MBP: variants seen among roughly 807,000 people sequenced by gnomAD.
MBP encodes the protein myelin basic protein.
A neutral mutation model predicts 35.8 loss-of-function variants in MBP; 16 were observed. That is an observed-to-expected ratio of 0.45 (90% CI 0.30 to 0.68). The LOEUF (loss-of-function observed/expected upper bound fraction) is 0.68. Ranked by LOEUF, MBP falls within the 30% of genes least tolerant of loss-of-function variation. The pLI is 0.08. For synonymous variants in MBP, 143 were observed against 159.6 expected (o/e 0.90, Z 0.78); for missense variants, 380 against 404.7 (o/e 0.94, Z 0.52).
chr18:76,985,301 G>A lies in MBP; in HGVS notation c.751-407C>T, dbSNP rs1484132132. ...CACGGGTTTGGAGGACTCGGACCCTGGGGGGCTGTGCGCTGTGTAGGTGCC... is the reference window on the plus strand; with the variant it reads ...CACGGGTTTGGAGGACTCGGACCCTAGGGGGCTGTGCGCTGTGTAGGTGCC... On this transcript the variant is annotated intron_variant, in intron 7 of 8. Coordinates refer to ENST00000355994, the MANE Select transcript of MBP (RefSeq NM_001025101.2). 1.0e-5 allele frequency: 13 copies of A among 1,300,898 alleles called. No individual in the cohort carries two copies. The East Asian group carries it at 6.9e-4, about 69-fold the overall frequency. The allele number at this position is 1,300,898 out of a possible 1,614,324, so 80.6% of individuals were successfully genotyped here.
intron 3 of MBP, among the ~76,000 whole-genome samples, chr18:77,047,287 T>C (rs470480): frequency 0.023 from 3,575 of 152,296 alleles, 156 homozygotes; most frequent in African/African-American, 0.08. Flanking sequence ...GCACACACGA[T>C]AGAATATCCT....
chr18:77,123,964 C>T lies in MBP; in HGVS notation c.-26+8616G>A, dbSNP rs565786707. Reference sequence around the variant, plus strand: ...CGGGAAGCAGCCTAGGGCACCTGCACGGAGTCTGCGGGTGGAGCTGCCCTG... The same window carrying T: ...CGGGAAGCAGCCTAGGGCACCTGCATGGAGTCTGCGGGTGGAGCTGCCCTG... On this transcript the variant is annotated intron_variant, in intron 1 of 8. Transcript: ENST00000355994. Among the ~76,000 whole-genome samples the T allele has an allele frequency of 9.2e-5, 14 of 152,224 alleles. No individual in the cohort carries two copies. The East Asian group carries it at 9.6e-4, about 10-fold the overall frequency.
chr18:76,989,739 A>C lies in MBP; in HGVS notation c.681+217T>G. ...GAGAAGTGAGCTCTCTGGAGAACGC[A>C]CGGAGCGCACGGTGCAATCCGTGGC... On this transcript the variant is annotated intron_variant, in intron 5 of 8. Coordinates refer to ENST00000355994, the MANE Select transcript of MBP (RefSeq NM_001025101.2). This position sits in a 1 kb window ranked among gnomAD's most constrained non-coding sequence, Gnocchi z 4.0. The C allele has an allele frequency of 1.9e-6, 1 of 535,318 alleles. No individual in the cohort carries two copies. Among genetic ancestry groups the C allele is most frequent in the South Asian group, 2.0e-5 (1 of 49,024 alleles). 33.2% of individuals were successfully genotyped at this position (535,318 alleles called of 1,614,324 possible).
intron 3 of MBP, chr18:77,065,819 GGGGA>G (rs1309672548): frequency 1.3e-5 from 2 of 154,838 alleles, no homozygotes; most frequent in Admixed American, 1.3e-4. Context: ...GATTGCAGGA[GGGGA>G]GGAAGGGGCT....
intron 4 of MBP, among the ~76,000 whole-genome samples, chr18:76,999,262 G>A (rs750407008): frequency 6.6e-5 from 10 of 152,068 alleles, no homozygotes; most frequent in Non-Finnish European, 1.5e-4. Flanking sequence ...AGCGGGTGGC[G>A]CACCCTCAAG....
intron 2 of MBP, among the ~76,000 whole-genome samples, chr18:77,075,023 C>A (rs1045426362): frequency 2.6e-5 from 4 of 152,160 alleles, no homozygotes; most frequent in Non-Finnish European, 4.4e-5. Context: ...GAGGATACTG[C>A]AGGAAAAACA....
At position 76,989,595 on chromosome 18, in the gene MBP, C is replaced by CGAAAAA; in HGVS notation, c.681+360_681+361insTTTTTC. The CGAAAAA allele has an allele frequency of 7.2e-6, 2 of 277,468 alleles. No individual in the cohort carries two copies. Among genetic ancestry groups the CGAAAAA allele is most frequent in the East Asian group, 2.2e-4 (2 of 9,056 alleles). 17.2% of individuals were successfully genotyped at this position (277,468 alleles called of 1,614,324 possible). On this transcript the variant is annotated intron_variant, in intron 5 of 8. Transcript: ENST00000355994. This position sits in a 1 kb window ranked among gnomAD's most constrained non-coding sequence, Gnocchi z 4.0. ...GCGGTTTCGCTGCCCGAAAAATGCC[C>CGAAAAA]TAAAAATGCCCTGTGCTCTCTCTGC...
At chr18:77,012,709 G>T in intron 4 of MBP, 1 of 879,260 alleles carries the variant, frequency 1.1e-6, no homozygotes, top group Non-Finnish European at 1.4e-6. Context: ...AAAAATGCCG[G>T]CAACACAGCA....
At chr18:77,024,665 G>A (rs1414961959) in intron 3 of MBP, among the ~76,000 whole-genome samples, 2 of 152,216 alleles carry the variant, frequency 1.3e-5, no homozygotes, top group South Asian at 2.1e-4. Flanking sequence ...ATCGGCCGTC[G>A]TGGCAGCGCC....
At chr18:77,074,696 C>T (rs956495347) in intron 2 of MBP, among the ~76,000 whole-genome samples, 3 of 152,140 alleles carry the variant, frequency 2.0e-5, no homozygotes, top group South Asian at 2.1e-4. Flanking sequence ...CCAAAGTCCA[C>T]GATTTCATGG....
At chr18:77,045,131 A>G (rs1973182926) in intron 3 of MBP, among the ~76,000 whole-genome samples, 1 of 152,156 alleles carries the variant, frequency 6.6e-6, no homozygotes, top group Non-Finnish European at 1.5e-5. Context: ...TTGCCATTAG[A>G]AAAGGGACAT....
chr18:77,048,892 A>G (rs1416141553), intron 3 of MBP, among the ~76,000 whole-genome samples: 1 of 151,900 alleles, frequency 6.6e-6, no homozygotes, highest in Non-Finnish European at 1.5e-5. Context: ...GGTCAAGAAT[A>G]ATCTCTACGA....
At chr18:77,014,923 AATT>A (rs200882103) in intron 4 of MBP, 1 of 982,098 alleles carries the variant, frequency 1.0e-6, no homozygotes, top group Non-Finnish European at 1.2e-6. Flanking sequence ...ATCATGTGAA[AATT>A]ATTTTTATTT....
At chr18:76,986,829 T>C in intron 7 of MBP, 3 of 985,434 alleles carry the variant, frequency 3.0e-6, no homozygotes, top group Non-Finnish European at 3.6e-6. Context: ...GGATTGACTT[T>C]CAGATTAACA....
intron 4 of MBP, chr18:77,013,907 G>A (rs1971483158): frequency 1.5e-5 from 15 of 985,276 alleles, no homozygotes; most frequent in African/African-American, 3.5e-5. Flanking sequence ...GCTCTGCCTC[G>A]TGACACTCAA....
chr18:77,011,168 C>T (rs987746966), intron 4 of MBP, among the ~76,000 whole-genome samples: 2 of 152,106 alleles, frequency 1.3e-5, no homozygotes, highest in African/African-American at 4.8e-5. Context: ...ATGAGAGAGG[C>T]TATTTCTAGG....
chr18:77,089,691 C>G (rs559970900), intron 2 of MBP, among the ~76,000 whole-genome samples: 1 of 152,338 alleles, frequency 6.6e-6, no homozygotes, highest in South Asian at 2.1e-4. Context: ...TTGGAGGCTA[C>G]AGTACTTTTC....
At chr18:77,001,934 C>T (rs1970661362) in intron 4 of MBP, among the ~76,000 whole-genome samples, 1 of 152,232 alleles carries the variant, frequency 6.6e-6, no homozygotes, top group African/African-American at 2.4e-5. Flanking sequence ...ACTGACACAG[C>T]CACGTGTTGG....
chr18:77,020,162 C>T lies in MBP; in HGVS notation c.140-2894G>A, dbSNP rs113151813. 4.6e-5 allele frequency among the ~76,000 whole-genome samples: 7 copies of T among 152,018 alleles called. No individual in the cohort carries two copies. Among genetic ancestry groups the T allele is most frequent in the Admixed American group, 4.6e-4 (7 of 15,264 alleles). On this transcript the variant is annotated intron_variant, in intron 3 of 8. Transcript: ENST00000355994. This position sits in a 1 kb window ranked among gnomAD's most constrained non-coding sequence, Gnocchi z 4.1. ...TGGTGGTACCCAGAGGCCGGGGGCA[C>T]CTTGGCTTCCATCCTGAGCAATTGG...
Sources: allele counts gnomAD v4.1 joint callset (sites outside exome capture counted in the v4.1 genomes callset), GRCh38; gene constraint gnomAD v4.1.1; non-coding constraint Gnocchi (gnomAD v3.1); transcripts MANE v1.5; gene names NCBI Gene and HGNC (gene_info 2026-07-23, HGNC 2026-07-21).